The following CRPPA variants were observed in gnomAD, a reference collection of about 807,000 sequenced individuals.
CRPPA encodes the protein CDP-L-ribitol pyrophosphorylase A.
CRPPA carries 43 observed loss-of-function variants against 52.0 expected under a neutral mutation model. The observed-to-expected ratio is 0.83, with a 90% CI of 0.65 to 1.07. The LOEUF (loss-of-function observed/expected upper bound fraction) is 1.07. Ranked by LOEUF, CRPPA falls within the 50% of genes least tolerant of loss-of-function variation. CRPPA has a pLI of 0.00. For synonymous variants in CRPPA, 250 were observed against 203.5 expected (o/e 1.23, Z -1.94); for missense variants, 629 against 551.7 (o/e 1.14, Z -1.40).
intron 2 of CRPPA, among the ~76,000 whole-genome samples, chr7:16,380,160 T>C (rs1258819175): frequency 6.6e-6 from 1 of 151,336 alleles, no homozygotes; most frequent in Non-Finnish European, 1.5e-5. Context: ...TTGAGATACG[T>C]CCCATCAATA....
At chr7:16,168,974 T>C (rs1002260894) in intron 9 of CRPPA, among the ~76,000 whole-genome samples, 2 of 152,120 alleles carry the variant, frequency 1.3e-5, no homozygotes, top group Non-Finnish European at 2.9e-5. Flanking sequence ...TCTTAAGGAA[T>C]TGTAGTCAAT....
At chr7:16,227,051 C>T (rs1483608529) in intron 8 of CRPPA, among the ~76,000 whole-genome samples, 1 of 151,874 alleles carries the variant, frequency 6.6e-6, no homozygotes, top group Non-Finnish European at 1.5e-5. Context: ...GATTCAGCCA[C>T]GTTGTTGCAA....
At chr7:16,104,935 GA>G (rs1314442468) in intron 9 of CRPPA, among the ~76,000 whole-genome samples, 1 of 151,524 alleles carries the variant, frequency 6.6e-6, no homozygotes, top group East Asian at 1.9e-4. Context: ...AATCTTATTA[GA>G]GGTAGTGTAC....
intron 3 of CRPPA, among the ~76,000 whole-genome samples, chr7:16,326,626 A>G (rs184029727): frequency 1.2e-3 from 190 of 152,346 alleles, no homozygotes; most frequent in African/African-American, 4.4e-3. Context: ...AATTCTGTGT[A>G]TATTATGTTC....
intron 3 of CRPPA, among the ~76,000 whole-genome samples, chr7:16,309,805 C>G (rs1361004402): frequency 6.6e-6 from 1 of 152,110 alleles, no homozygotes; most frequent in Non-Finnish European, 1.5e-5. Context: ...AATATAAAAC[C>G]TCTGGGACCC....
At chr7:16,358,536 A>G (rs1224833711) in intron 3 of CRPPA, among the ~76,000 whole-genome samples, 2 of 152,156 alleles carry the variant, frequency 1.3e-5, no homozygotes, top group Non-Finnish European at 2.9e-5. Context: ...TCCACAAAAT[A>G]TATATCACAG....
intron 3 of CRPPA, among the ~76,000 whole-genome samples, chr7:16,356,370 C>T (rs898170207): frequency 2.6e-5 from 4 of 152,182 alleles, no homozygotes; most frequent in African/African-American, 4.8e-5. Flanking sequence ...ACATTTCCTG[C>T]TCTTATAATG....
intron 8 of CRPPA, among the ~76,000 whole-genome samples, chr7:16,218,048 C>T (rs923650712): frequency 2.6e-5 from 4 of 152,012 alleles, no homozygotes; most frequent in Admixed American, 6.5e-5. Context: ...AGAGAAAGGT[C>T]GGGTTACCCT....
chr7:16,356,676 A>G (rs1786304107), intron 3 of CRPPA, among the ~76,000 whole-genome samples: 1 of 152,044 alleles, frequency 6.6e-6, no homozygotes, highest in African/African-American at 2.4e-5. Flanking sequence ...GCCATTTTTT[A>G]CCCTTTCCAC....
intron 2 of CRPPA, among the ~76,000 whole-genome samples, chr7:16,377,936 C>G (rs941908495): frequency 1.3e-5 from 2 of 152,040 alleles, no homozygotes; most frequent in South Asian, 4.1e-4. Flanking sequence ...CACTCTTTTT[C>G]CAGCTCACAC....
intron 5 of CRPPA, among the ~76,000 whole-genome samples, chr7:16,287,248 T>C (rs1443858661): frequency 1.3e-5 from 2 of 152,240 alleles, no homozygotes; most frequent in East Asian, 3.8e-4. Flanking sequence ...GTTAGCATCC[T>C]GAAAGATTTT....
intron 9 of CRPPA, among the ~76,000 whole-genome samples, chr7:16,199,109 A>G (rs1280854865): frequency 6.6e-6 from 1 of 152,122 alleles, no homozygotes; most frequent in African/African-American, 2.4e-5. Context: ...CTTCCAATAC[A>G]TTGAGAAGCA....
chr7:16,292,670 A>T (rs1166966853), intron 5 of CRPPA, among the ~76,000 whole-genome samples: 2 of 152,018 alleles, frequency 1.3e-5, no homozygotes, highest in Non-Finnish European at 2.9e-5. Context: ...TGTTATTTGC[A>T]AACTAAATAT....
At chr7:16,350,925 A>G (rs1254254858) in intron 3 of CRPPA, among the ~76,000 whole-genome samples, 1 of 152,186 alleles carries the variant, frequency 6.6e-6, no homozygotes, top group Non-Finnish European at 1.5e-5. Context: ...TGCAAATGGA[A>G]ACCAAAAGAG....
intron 9 of CRPPA, among the ~76,000 whole-genome samples, chr7:16,119,978 C>T (rs1205353831): frequency 6.6e-6 from 1 of 152,084 alleles, no homozygotes; most frequent in Non-Finnish European, 1.5e-5. Context: ...TAAGAATCTT[C>T]AGCATTTAGG....
At chr7:16,290,002 C>A (rs1583495533) in intron 5 of CRPPA, among the ~76,000 whole-genome samples, 3 of 152,124 alleles carry the variant, frequency 2.0e-5, no homozygotes, top group African/African-American at 7.2e-5. Flanking sequence ...ATACAAAAAT[C>A]AGTCATATTT....
chr7:16,137,386 G>A (rs116630022), intron 9 of CRPPA, among the ~76,000 whole-genome samples: 2,183 of 152,226 alleles, frequency 0.014, 48 homozygotes, highest in African/African-American at 0.047. Context: ...TCAACAGCCC[G>A]AAAAGACTAA....
chr7:16,199,580 C>A (rs976968560), intron 9 of CRPPA, among the ~76,000 whole-genome samples: 1 of 151,980 alleles, frequency 6.6e-6, no homozygotes, highest in Non-Finnish European at 1.5e-5. Flanking sequence ...TTTTTTATTA[C>A]CATCAAAATA....
intron 6 of CRPPA, chr7:16,266,104 A>AG (rs1355761687): frequency 6.6e-6 from 1 of 152,330 alleles, no homozygotes; most frequent in Non-Finnish European, 1.5e-5. Flanking sequence ...TGTATTCTGG[A>AG]GGAAGTCAGT....
Sources: gnomAD v4.1 joint callset for allele counts (sites outside exome capture counted in the v4.1 genomes callset) on GRCh38, gnomAD v4.1.1 for gene constraint, MANE v1.5 for transcripts, NCBI Gene and HGNC (gene_info 2026-07-23, HGNC 2026-07-21) for gene names.